CPXM2: variants seen among roughly 807,000 people sequenced by gnomAD.
CPXM2 encodes the protein carboxypeptidase X, M14 family member 2.
In CPXM2, 66 loss-of-function variants were observed where a neutral mutation model predicts 86.1. The ratio of observed to expected loss-of-function variants is 0.77; its 90% CI spans 0.63 to 0.94. CPXM2 has a LOEUF of 0.94. CPXM2 is among the 40% of genes least tolerant of loss of function. The pLI, the probability that CPXM2 is intolerant of heterozygous loss-of-function variation, is 0.00. For missense variants in CPXM2, 948 were observed against 1,026.3 expected (o/e 0.92, Z 1.04); for synonymous variants, 388 against 400.2 (o/e 0.97, Z 0.36).
chr10:123,830,950 G>A (rs1388206044), intron 4 of CPXM2, among the ~76,000 whole-genome samples: 3 of 149,108 alleles, frequency 2.0e-5, no homozygotes, highest in Non-Finnish European at 4.4e-5. Flanking sequence ...TAATCATGTA[G>A]TTAAATGGCT....
At chr10:123,841,234 T>C (rs962596128) in intron 4 of CPXM2, among the ~76,000 whole-genome samples, 1 of 152,138 alleles carries the variant, frequency 6.6e-6, no homozygotes, top group African/African-American at 2.4e-5. Context: ...GTGACCACCG[T>C]CCACATGGCT....
Position 123,852,597 on chromosome 10 carries a change from C to T in CPXM2, c.513+10017G>A, listed in dbSNP as rs149645804. Among the ~76,000 whole-genome samples the T allele has an allele frequency of 3.6e-4, 55 of 152,316 alleles. No individual in the cohort carries two copies. The East Asian group carries it at 0.01, about 29-fold the overall frequency. The stretch of plus-strand genomic sequence containing the variant: ...CCTGTGTCCAGAACTTTCCAGGGCT[C>T]CCCTAATTGGCTCACGGCTAAAAGC... On this transcript the variant is annotated intron_variant, in intron 3 of 13. Transcript: ENST00000241305.
At chr10:123,813,527 C>T (rs1385962490) in intron 4 of CPXM2, among the ~76,000 whole-genome samples, 6 of 152,174 alleles carry the variant, frequency 3.9e-5, no homozygotes, top group South Asian at 4.1e-4. Context: ...GCACATGATG[C>T]GTAGTAATTG....
intron 1 of CPXM2, among the ~76,000 whole-genome samples, chr10:123,889,558 C>T (rs142843354): frequency 9.3e-4 from 141 of 152,260 alleles, no homozygotes; most frequent in African/African-American, 2.9e-3. Flanking sequence ...TTCTTGGTAA[C>T]GGCCTGTGGA....
intron 2 of CPXM2, among the ~76,000 whole-genome samples, chr10:123,878,842 A>G (rs1043807245): frequency 4.6e-5 from 7 of 152,158 alleles, no homozygotes; most frequent in African/African-American, 1.4e-4. Context: ...GTAATCCTGA[A>G]GAAACAGCTG....
intron 4 of CPXM2, among the ~76,000 whole-genome samples, chr10:123,830,145 T>C (rs187941907): frequency 9.7e-4 from 147 of 152,266 alleles, no homozygotes; most frequent in Non-Finnish European, 2.0e-3. Context: ...AAGAAACTGA[T>C]GATATTAACC....
chr10:123,906,309 G>T (rs1033498871), intron 2 of CPXM2, among the ~76,000 whole-genome samples: 1 of 152,192 alleles, frequency 6.6e-6, no homozygotes, highest in Non-Finnish European at 1.5e-5. Flanking sequence ...ATGGAACCAA[G>T]GTGCTTCACA....
chr10:123,938,600 G>A (rs1945744973), intron 2 of CPXM2, among the ~76,000 whole-genome samples: 1 of 152,206 alleles, frequency 6.6e-6, no homozygotes, highest in Non-Finnish European at 1.5e-5. Context: ...CTGCAAGGGA[G>A]CCTGGGACAC....
chr10:123,751,442 A>C, intron 13 of CPXM2: 1 of 919,754 alleles, frequency 1.1e-6, no homozygotes, highest in Non-Finnish European at 1.3e-6. Flanking sequence ...ACCTTCTAAG[A>C]AGGTTTGCGT....
intron 11 of CPXM2, among the ~76,000 whole-genome samples, chr10:123,757,573 GGACA>G (rs1396842325): frequency 6.6e-6 from 1 of 152,172 alleles, no homozygotes. Flanking sequence ...TTTGTGGTGA[GGACA>G]GACACATGGA....
chr10:123,895,841 A>G (rs1324503213), upstream of CPXM2, among the ~76,000 whole-genome samples: 1 of 152,236 alleles, frequency 6.6e-6, no homozygotes, highest in East Asian at 1.9e-4. Flanking sequence ...AGTTCTTCAA[A>G]TGGTGTTCTT....
At chr10:123,852,136 TCA>T (rs1443559370) in intron 3 of CPXM2, among the ~76,000 whole-genome samples, 2 of 152,154 alleles carry the variant, frequency 1.3e-5, no homozygotes, top group East Asian at 3.9e-4. Context: ...TTTGTTGTCT[TCA>T]GTTTCCCTAT....
intron 2 of CPXM2, among the ~76,000 whole-genome samples, chr10:123,864,254 T>TGA (rs1331030190): frequency 6.6e-6 from 1 of 150,576 alleles, no homozygotes; most frequent in Non-Finnish European, 1.5e-5. Flanking sequence ...CCCCACCCAC[T>TGA]GAGAGAGAGA....
intron 6 of CPXM2, among the ~76,000 whole-genome samples, chr10:123,787,805 T>C (rs543261597): frequency 4.9e-4 from 74 of 152,214 alleles, no homozygotes; most frequent in African/African-American, 1.7e-3. Context: ...GTGAATGCTC[T>C]ATCCAGACCG....
chr10:123,821,418 C>A (rs750179458), intron 4 of CPXM2, among the ~76,000 whole-genome samples: 1 of 152,214 alleles, frequency 6.6e-6, no homozygotes, highest in Non-Finnish European at 1.5e-5. Flanking sequence ...CCCTAGTAAG[C>A]CTGACTGGCA....
At chr10:123,823,443 C>A (rs914025109) in intron 4 of CPXM2, among the ~76,000 whole-genome samples, 2 of 151,948 alleles carry the variant, frequency 1.3e-5, no homozygotes, top group African/African-American at 4.8e-5. Flanking sequence ...GTAAGAGGTA[C>A]CTAGAAAACC....
rs1042833299 is a variant in CPXM2, at chr10:123,856,743, C to T, written c.513+5871G>A. Among the ~76,000 whole-genome samples, 4 of 152,100 alleles carry T rather than the reference C, an allele frequency of 2.6e-5. No homozygotes were observed. The East Asian group carries it at 7.7e-4, about 29-fold the overall frequency. Reference sequence around the variant, plus strand: ...AGTAGCTGGGATTACAGGCGTGTGCCACCACGCCCGGCTAATTTTTGTATG... The same window carrying T: ...AGTAGCTGGGATTACAGGCGTGTGCTACCACGCCCGGCTAATTTTTGTATG... On this transcript the variant is annotated intron_variant, in intron 3 of 13. Transcript: ENST00000241305.
chr10:123,752,343 T>C, intron 13 of CPXM2: 4 of 984,938 alleles, frequency 4.1e-6, no homozygotes, highest in Non-Finnish European at 4.8e-6. Context: ...GGCTATAAGA[T>C]CAGTGACAAA....
intron 8 of CPXM2, among the ~76,000 whole-genome samples, chr10:123,769,137 C>A (rs1420982248): frequency 6.6e-6 from 1 of 152,102 alleles, no homozygotes; most frequent in Non-Finnish European, 1.5e-5. Flanking sequence ...AGAGAATAGT[C>A]CATCAGGGCA....
Sources: allele counts gnomAD v4.1 joint callset (sites outside exome capture counted in the v4.1 genomes callset), GRCh38; gene constraint gnomAD v4.1.1; transcripts MANE v1.5; gene names NCBI Gene and HGNC (gene_info 2026-07-23, HGNC 2026-07-21).